EFCAB6: variants seen among roughly 807,000 people sequenced by gnomAD.
EFCAB6 encodes the protein EF-hand calcium-binding domain-containing protein 6.
In EFCAB6, 156 loss-of-function variants were observed where a neutral mutation model predicts 169.8. The ratio of observed to expected loss-of-function variants is 0.92; its 90% confidence interval spans 0.81 to 1.05. The LOEUF is 1.05. Among genes scored for constraint, EFCAB6 ranks in the 50% least tolerant of loss-of-function variants. The pLI is 0.00. For synonymous variants in EFCAB6, 698 were observed against 676.4 expected (o/e 1.03, Z -0.50); for missense variants, 1,800 against 1,829.1 (o/e 0.98, Z 0.29).
At chr22:43,723,744 A>C (rs1379667589) in intron 8 of EFCAB6, among the ~76,000 whole-genome samples, 1 of 152,156 alleles carries the variant, frequency 6.6e-6, no homozygotes, top group East Asian at 1.9e-4. Flanking sequence ...ATCTGGGCCC[A>C]CGTGAGCCCC....
intron 10 of EFCAB6, among the ~76,000 whole-genome samples, chr22:43,699,868 G>T (rs1302862518): frequency 6.6e-6 from 1 of 152,096 alleles, no homozygotes; most frequent in Non-Finnish European, 1.5e-5. Context: ...CGCTACTATT[G>T]TTACCAGCGT....
At position 43,686,117 on chromosome 22, in the gene EFCAB6, G is replaced by A. The variant is rs187872902; in HGVS notation, c.1142+1354C>T. On this transcript the variant is annotated intron_variant, in intron 11 of 31. Transcript: ENST00000262726. ...CTGCCTCAGCCTCCCGAGTAGCTGGGATTACAGGCTTGCGCCACCACGCCT... is the reference window on the plus strand; with the variant it reads ...CTGCCTCAGCCTCCCGAGTAGCTGGAATTACAGGCTTGCGCCACCACGCCT... Among the ~76,000 whole-genome samples the A allele has an allele frequency of 7.0e-3, 1,060 of 152,182 alleles. 12 individuals are homozygous for A. Among genetic ancestry groups the A allele is most frequent in the Non-Finnish European group, 0.011 (724 of 68,022 alleles).
intron 10 of EFCAB6, among the ~76,000 whole-genome samples, chr22:43,700,692 G>A (rs1200217699): frequency 2.6e-5 from 4 of 152,232 alleles, no homozygotes; most frequent in South Asian, 2.1e-4. Context: ...GCCTTTTCCG[G>A]AATGTCTTGC....
At chr22:43,590,708 AG>A (rs2051432027) in intron 23 of EFCAB6, among the ~76,000 whole-genome samples, 2 of 148,938 alleles carry the variant, frequency 1.3e-5, no homozygotes, top group Non-Finnish European at 1.5e-5. Context: ...CAGAAGACAG[AG>A]GTACAGCACG....
At chr22:43,708,092 A>T (rs1370501688) in intron 10 of EFCAB6, among the ~76,000 whole-genome samples, 1 of 74,046 alleles carries the variant, frequency 1.4e-5, no homozygotes, top group Non-Finnish European at 3.0e-5. Flanking sequence ...AGAAAACTAA[A>T]AAAAAAAAAA....
At chr22:43,745,323 A>G (rs1297554584) in intron 6 of EFCAB6, among the ~76,000 whole-genome samples, 2 of 152,230 alleles carry the variant, frequency 1.3e-5, no homozygotes, top group East Asian at 3.8e-4. Flanking sequence ...ATCCCTCTGG[A>G]GGCCTGGCAC....
At position 43,678,849 on chromosome 22, in the gene EFCAB6, C is replaced by T. The variant is rs577495818; in HGVS notation, c.1252-686G>A. On this transcript the variant is annotated intron_variant, in intron 12 of 31. Transcript: ENST00000262726. ...CTCATACGGAGACAGTGAATATTAA[C>T]GTGACAAAAGGATTTATTAAGTAAG... Among the ~76,000 whole-genome samples, 32 of 152,174 alleles carry T rather than the reference C, an allele frequency of 2.1e-4. No individual in the cohort carries two copies. In the South Asian group the frequency reaches 6.4e-3, roughly 31 times the overall value.
intron 3 of EFCAB6, among the ~76,000 whole-genome samples, chr22:43,776,349 C>G (rs5764287): frequency 0.88 from 133,578 of 152,256 alleles, 58,642 homozygotes; most frequent in East Asian, 0.99. Flanking sequence ...TCAGCCCTGA[C>G]GGTACTGCAG....
intron 15 of EFCAB6, among the ~76,000 whole-genome samples, chr22:43,671,403 T>C (rs894693577): frequency 6.6e-6 from 1 of 152,158 alleles, no homozygotes; most frequent in African/African-American, 2.4e-5. Flanking sequence ...GGTTTCTCCA[T>C]GAGTTGATTG....
At chr22:43,745,635 C>A (rs2060533764) in intron 6 of EFCAB6, among the ~76,000 whole-genome samples, 1 of 152,304 alleles carries the variant, frequency 6.6e-6, no homozygotes, top group African/African-American at 2.4e-5. Context: ...AGTCTGGCAC[C>A]TTTCTGTCTC....
chr22:43,656,968 G>A (rs532881726), intron 17 of EFCAB6, among the ~76,000 whole-genome samples: 2 of 152,308 alleles, frequency 1.3e-5, no homozygotes, highest in East Asian at 1.9e-4. Flanking sequence ...GAGAACACAC[G>A]TTCTTTTCCA....
intron 17 of EFCAB6, among the ~76,000 whole-genome samples, chr22:43,637,339 C>T (rs1015935899): frequency 2.0e-5 from 3 of 152,250 alleles, no homozygotes; most frequent in African/African-American, 4.8e-5. Flanking sequence ...GCGCAGTCAT[C>T]AGCTTCCTTT....
intron 3 of EFCAB6, among the ~76,000 whole-genome samples, chr22:43,779,373 A>G (rs1361823021): frequency 6.6e-6 from 1 of 152,210 alleles, no homozygotes; most frequent in African/African-American, 2.4e-5. Context: ...TGAAAAAGAG[A>G]TCAGCCCAAC....
At chr22:43,712,708 T>C (rs1374281598) in intron 9 of EFCAB6, among the ~76,000 whole-genome samples, 2 of 152,158 alleles carry the variant, frequency 1.3e-5, no homozygotes, top group Non-Finnish European at 2.9e-5. Context: ...GGCAAGAGCC[T>C]GGTGTGTAGC....
chr22:43,801,994 T>A (rs990685806), intron 2 of EFCAB6, among the ~76,000 whole-genome samples: 1 of 152,104 alleles, frequency 6.6e-6, no homozygotes, highest in African/African-American at 2.4e-5. Context: ...TAAAGACTCG[T>A]ATAGACTGAA....
intron 17 of EFCAB6, among the ~76,000 whole-genome samples, chr22:43,665,448 A>G (rs1447248894): frequency 6.6e-6 from 1 of 152,222 alleles, no homozygotes; most frequent in Non-Finnish European, 1.5e-5. Context: ...CCAGGGGCAG[A>G]CTAGGGATTA....
intron 10 of EFCAB6, among the ~76,000 whole-genome samples, chr22:43,689,555 G>A (rs549138260): frequency 6.6e-6 from 1 of 152,242 alleles, no homozygotes; most frequent in South Asian, 2.1e-4. Context: ...CATCAACAGC[G>A]CTCATGAAAG....
intron 21 of EFCAB6, among the ~76,000 whole-genome samples, chr22:43,609,859 T>C (rs1168745896): frequency 2.0e-5 from 3 of 152,206 alleles, no homozygotes; most frequent in Non-Finnish European, 4.4e-5. Context: ...ACAGGCAAGC[T>C]GATCAGGGGA....
intron 4 of EFCAB6, 36 bp downstream of exon 4, chr22:43,772,856 A>C: frequency 6.2e-7 from 1 of 1,608,200 alleles, no homozygotes; most frequent in Non-Finnish European, 8.5e-7. Flanking sequence ...GCTTGTCTGG[A>C]ATTGAGGGAT....
Sources: allele counts gnomAD v4.1 joint callset (sites outside exome capture counted in the v4.1 genomes callset), GRCh38; gene constraint gnomAD v4.1.1; transcripts MANE v1.5; gene names NCBI Gene and HGNC (gene_info 2026-07-23, HGNC 2026-07-21).